Variants in GINM1 observed in about 807,000 individuals in gnomAD.
GINM1 encodes glycosylated integral membrane protein 1, also known as glycoprotein integral membrane protein 1.
GINM1 carries 29 observed loss-of-function variants against 37.8 expected under a neutral mutation model. The observed-to-expected ratio is 0.77, with a 90% CI of 0.57 to 1.05. The LOEUF (loss-of-function observed/expected upper bound fraction) is 1.05, where lower values mean the gene tolerates loss of function less well. Among genes scored for constraint, GINM1 ranks in the 50% least tolerant of loss-of-function variants. GINM1 has a pLI of 0.00. For synonymous variants in GINM1, 143 were observed against 146.2 expected (o/e 0.98, Z 0.16); for missense variants, 377 against 397.9 (o/e 0.95, Z 0.45).
At chr6:149,569,367 C>T (rs1265107026) in intron 1 of GINM1, among the ~76,000 whole-genome samples, 2 of 137,230 alleles carry the variant, frequency 1.5e-5, no homozygotes, top group East Asian at 2.3e-4. Context: ...CGTGAAGTCT[C>T]GCTCTGTCCC....
Position 149,574,469 on chromosome 6 carries a change from T to C in GINM1, c.277+1866T>C, listed in dbSNP as rs570706828. On this transcript the variant is annotated intron_variant, in intron 3 of 7. Coordinates refer to ENST00000367419, the MANE Select transcript of GINM1 (RefSeq NM_138785.5). Reference sequence around the variant, plus strand: ...TCTTGTTTCCTCTTTGTCCCAACTGTTCTGTGTTTCTTTTTCTTCCCCCTT... The same window carrying C: ...TCTTGTTTCCTCTTTGTCCCAACTGCTCTGTGTTTCTTTTTCTTCCCCCTT... Among the ~76,000 whole-genome samples, 3 of 152,336 alleles carry C rather than the reference T, an allele frequency of 2.0e-5. No individual in the cohort carries two copies. In the East Asian group the frequency reaches 5.8e-4, roughly 29 times the overall value.
At chr6:149,578,525 C>CAAAA (rs145601764) in intron 3 of GINM1, among the ~76,000 whole-genome samples, 43 of 71,350 alleles carry the variant, frequency 6.0e-4, no homozygotes, top group Admixed American at 7.7e-4. Context: ...GACTCCATCT[C>CAAAA]AAAAAAAAAA....
In GINM1 at chr6:149,579,606, C is replaced by T. The variant is rs151057660; in HGVS notation, c.430-228C>T. 5.8e-3 allele frequency among the ~76,000 whole-genome samples: 876 copies of T among 151,830 alleles called. 6 individuals carry two copies. Among genetic ancestry groups the T allele is most frequent in the African/African-American group, 0.02 (834 of 41,376 alleles). ...ACTCGGGAGGCTGAGGCAGGAGAAT[C>T]GCTTGAACCCAGAAGGCGGAGGTTG... On this transcript the variant is annotated intron_variant, in intron 4 of 7. Coordinates refer to ENST00000367419, the MANE Select transcript of GINM1 (RefSeq NM_138785.5).
Position 149,578,876 on chromosome 6 carries a change from G to T in GINM1, c.332G>T (p.Ser111Ile). ...LEEKEYFGIVSVRILVHEWPM... is the reference protein window; with the variant it reads ...LEEKEYFGIVIVRILVHEWPM... ...GAAAAAGAATATTTTGGAATTGTCA[G>T]TGTAAGGATTTTAGTTCATGAGTGG... Residue 111 changes from serine to isoleucine, a missense_variant, in exon 4 of 8, where the codon AGT becomes ATT. Transcript: ENST00000367419. 1 of 1,598,130 alleles carries T rather than the reference G, an allele frequency of 6.3e-7. No homozygotes were observed. Among genetic ancestry groups the T allele is most frequent in the Non-Finnish European group, 8.6e-7 (1 of 1,167,748 alleles).
chr6:149,567,766 C>A (rs1582729983), intron 1 of GINM1, among the ~76,000 whole-genome samples: 1 of 152,184 alleles, frequency 6.6e-6, no homozygotes, highest in South Asian at 2.1e-4. Flanking sequence ...ACATTGCCTG[C>A]CATAAGAACC....
At chr6:149,568,659 T>A (rs1278625121) in intron 1 of GINM1, among the ~76,000 whole-genome samples, 3 of 152,236 alleles carry the variant, frequency 2.0e-5, no homozygotes, top group Non-Finnish European at 4.4e-5. Context: ...CTTTATCACA[T>A]CTGTCCATCC....
rs1221725123 is a variant in GINM1, at chr6:149,580,684, T to G, written c.678T>G (p.Pro226=). The G allele has an allele frequency of 2.5e-6, 4 of 1,613,662 alleles. No homozygotes were observed. The highest frequency in any genetic ancestry group is 1.3e-5 in the African/African-American group (1 of 74,916). ...VDEDVLPGKL[P]ETPLRAEPPS... ...AAGATGTTTTACCTGGCAAGTTACCTGAAACTCCTCTCAGAGCAGAGCCGC... is the reference window on the plus strand; with the variant it reads ...AAGATGTTTTACCTGGCAAGTTACCGGAAACTCCTCTCAGAGCAGAGCCGC... The change falls in exon 6 of 8, where the codon CCT becomes CCG. Residue 226 remains proline, a synonymous_variant. Transcript: ENST00000367419.
intron 7 of GINM1, among the ~76,000 whole-genome samples, chr6:149,586,529 T>C (rs1216811844): frequency 6.6e-6 from 1 of 152,182 alleles, no homozygotes; most frequent in East Asian, 1.9e-4. Flanking sequence ...AAAGATTGAC[T>C]TCATTGAATG....
At chr6:149,589,409 A>G (rs902160993) in intron 7 of GINM1, among the ~76,000 whole-genome samples, 2 of 151,348 alleles carry the variant, frequency 1.3e-5, no homozygotes, top group Non-Finnish European at 2.9e-5. Context: ...AGTAGCTGGG[A>G]TTACAGGCGT....
chr6:149,575,905 A>T (rs1164335668), intron 3 of GINM1, among the ~76,000 whole-genome samples: 1 of 152,220 alleles, frequency 6.6e-6, no homozygotes, highest in Non-Finnish European at 1.5e-5. Flanking sequence ...TAACTGAAAT[A>T]AATGCTCATC....
intron 3 of GINM1, among the ~76,000 whole-genome samples, chr6:149,573,723 T>C (rs1777866142): frequency 6.6e-6 from 1 of 151,596 alleles, no homozygotes; most frequent in African/African-American, 2.4e-5. Context: ...AAAAATAAAT[T>C]AGCTGGGTGT....
chr6:149,574,484 T>C (rs1777884554), intron 3 of GINM1, among the ~76,000 whole-genome samples: 1 of 152,268 alleles, frequency 6.6e-6, no homozygotes. Flanking sequence ...TGTTTCTTTT[T>C]CTTCCCCCTT....
chr6:149,590,552 G>A (rs2115064978), intron 7 of GINM1, among the ~76,000 whole-genome samples, 175 bp from the exon 8 acceptor site: 1 of 152,284 alleles, frequency 6.6e-6, no homozygotes, highest in Non-Finnish European at 1.5e-5. Flanking sequence ...AGCCAGTTTG[G>A]TTAAAGTGAC....
chr6:149,587,937 T>G (rs577469342), intron 7 of GINM1, among the ~76,000 whole-genome samples: 1 of 152,164 alleles, frequency 6.6e-6, no homozygotes, highest in Non-Finnish European at 1.5e-5. Flanking sequence ...ACTTTGGAGA[T>G]TTAAGGATTT....
At chr6:149,588,948 G>A (rs1476665089) in intron 7 of GINM1, among the ~76,000 whole-genome samples, 1 of 152,002 alleles carries the variant, frequency 6.6e-6, no homozygotes, top group Non-Finnish European at 1.5e-5. Context: ...GAGATTACAG[G>A]CGCCCGCCAC....
intron 7 of GINM1, among the ~76,000 whole-genome samples, chr6:149,587,798 G>A (rs900901621): frequency 3.3e-5 from 5 of 152,208 alleles, no homozygotes; most frequent in Admixed American, 6.5e-5. Context: ...TCAGTACCCC[G>A]TTCCCTTCCC....
chr6:149,572,419 C>G, intron 2 of GINM1, 75 bp downstream of exon 2: 2 of 1,267,494 alleles, frequency 1.6e-6, no homozygotes, highest in East Asian at 2.3e-5. Flanking sequence ...TTAACTTGCA[C>G]GTCTCATTTA....
intron 3 of GINM1, among the ~76,000 whole-genome samples, chr6:149,576,773 G>C (rs79404341): frequency 0.031 from 4,710 of 152,246 alleles, 111 homozygotes; most frequent in Non-Finnish European, 0.044. Context: ...AATATGAAGG[G>C]CTTTGTTGTT....
chr6:149,575,148 T>C (rs1777895373), intron 3 of GINM1, among the ~76,000 whole-genome samples: 1 of 152,216 alleles, frequency 6.6e-6, no homozygotes, highest in African/African-American at 2.4e-5. Flanking sequence ...GAATTTCAAG[T>C]TCCAAAATTC....
Sources: gnomAD v4.1 joint callset for allele counts (sites outside exome capture counted in the v4.1 genomes callset) on GRCh38, gnomAD v4.1.1 for gene constraint, MANE v1.5 for transcripts, NCBI Gene and HGNC (gene_info 2026-07-23, HGNC 2026-07-21) for gene names.